Variants in GAB2 observed in about 807,000 individuals in gnomAD.
GAB2 encodes GRB2 associated binding protein 2.
Under a neutral mutation model 65.5 loss-of-function variants are expected in GAB2, and 26 were observed. That is an observed-to-expected ratio of 0.40 (90% CI 0.29 to 0.55). The LOEUF (loss-of-function observed/expected upper bound fraction) is 0.55. Ranked by LOEUF, GAB2 falls within the 20% of genes least tolerant of loss-of-function variation. GAB2 has a pLI of 0.53. For synonymous variants in GAB2, 321 were observed against 329.6 expected, an observed-to-expected ratio of 0.97 and a Z score of 0.28; for missense variants, 884 against 875.8, an observed-to-expected ratio of 1.01 and a Z score of -0.12.
At chr11:78,306,871 A>G (rs927460505) in intron 1 of GAB2, among the ~76,000 whole-genome samples, 1 of 152,192 alleles carries the variant, frequency 6.6e-6, no homozygotes, top group Admixed American at 6.5e-5. Context: ...ATCACATTCC[A>G]TCCATCTCAC....
At chr11:78,406,676 G>C (rs1175075988) in intron 1 of GAB2, among the ~76,000 whole-genome samples, 1 of 151,424 alleles carries the variant, frequency 6.6e-6, no homozygotes, top group Non-Finnish European at 1.5e-5. Context: ...AAAATGTCCA[G>C]GTTTTAATAG....
intron 1 of GAB2, among the ~76,000 whole-genome samples, chr11:78,339,447 CT>C (rs1856057199): frequency 6.6e-6 from 1 of 152,276 alleles, no homozygotes; most frequent in African/African-American, 2.4e-5. Context: ...TCTGATAACA[CT>C]TAAAAAATAA....
chr11:78,370,040 G>A (rs1303644455), intron 1 of GAB2, among the ~76,000 whole-genome samples: 1 of 151,818 alleles, frequency 6.6e-6, no homozygotes, highest in Non-Finnish European at 1.5e-5. Flanking sequence ...GGCGGATCAC[G>A]AGGTCAGGAG....
At chr11:78,328,245 T>G (rs1855858343) in intron 1 of GAB2, among the ~76,000 whole-genome samples, 1 of 152,202 alleles carries the variant, frequency 6.6e-6, no homozygotes, top group Admixed American at 6.5e-5. Context: ...AAAAACAATT[T>G]CCTGTTGCAG....
At chr11:78,272,873 C>G (rs1163073428) in intron 2 of GAB2, among the ~76,000 whole-genome samples, 1 of 152,188 alleles carries the variant, frequency 6.6e-6, no homozygotes, top group East Asian at 1.9e-4. Flanking sequence ...AGCCTGGGGA[C>G]TTGGTGCCCT....
chr11:78,301,452 C>T (rs1454401360), intron 1 of GAB2, among the ~76,000 whole-genome samples: 6 of 151,662 alleles, frequency 4.0e-5, no homozygotes, highest in Non-Finnish European at 5.9e-5. Flanking sequence ...ACTTCAGCCT[C>T]CTGAGCAGCT....
chr11:78,402,084 G>C (rs1005111994), intron 1 of GAB2, among the ~76,000 whole-genome samples: 5 of 151,694 alleles, frequency 3.3e-5, no homozygotes, highest in African/African-American at 1.2e-4. Flanking sequence ...TACCAGCCCA[G>C]GTATTCTCTC....
chr11:78,365,453 C>T (rs1856484395), intron 1 of GAB2, among the ~76,000 whole-genome samples: 1 of 152,332 alleles, frequency 6.6e-6, no homozygotes, highest in East Asian at 1.9e-4. Flanking sequence ...GCAGCGCCCT[C>T]CTCAACTAAC....
intron 3 of GAB2, among the ~76,000 whole-genome samples, chr11:78,247,412 C>A (rs972553503): frequency 6.6e-6 from 1 of 152,108 alleles, no homozygotes; most frequent in African/African-American, 2.4e-5. Context: ...ATATCCTTTA[C>A]CCACAATAGA....
At chr11:78,398,219 C>T (rs1856926933) in intron 1 of GAB2, among the ~76,000 whole-genome samples, 1 of 152,226 alleles carries the variant, frequency 6.6e-6, no homozygotes, top group African/African-American at 2.4e-5. Context: ...GACACGCTGT[C>T]TACCCGAGAA....
chr11:78,413,355 T>C (rs989325970), intron 1 of GAB2, among the ~76,000 whole-genome samples: 5 of 152,076 alleles, frequency 3.3e-5, no homozygotes, highest in African/African-American at 7.2e-5. Context: ...AAAGGAAATA[T>C]AGAGTAGCCA....
At chr11:78,382,506 A>G (rs1042702459) in intron 1 of GAB2, among the ~76,000 whole-genome samples, 3 of 151,842 alleles carry the variant, frequency 2.0e-5, no homozygotes, top group African/African-American at 7.3e-5. Flanking sequence ...ATTCTCAAAG[A>G]CCTGAGGTAT....
chr11:78,363,758 G>T (rs1445074447), intron 1 of GAB2, among the ~76,000 whole-genome samples: 1 of 151,802 alleles, frequency 6.6e-6, no homozygotes, highest in East Asian at 1.9e-4. Flanking sequence ...GCTAATTTTT[G>T]TATTTTTTGT....
At chr11:78,323,790 C>CT (rs749282969) in intron 1 of GAB2, among the ~76,000 whole-genome samples, 5,702 of 77,108 alleles carry the variant, frequency 0.074, 474 homozygotes, top group Middle Eastern at 0.097. Flanking sequence ...CTGAATCTTT[C>CT]TTTTTTTTTT....
chr11:78,265,174 C>A (rs897522053), intron 2 of GAB2, among the ~76,000 whole-genome samples: 1 of 145,638 alleles, frequency 6.9e-6, no homozygotes, highest in African/African-American at 2.5e-5. Context: ...ATTCTAAGAC[C>A]CTATGTAATA....
chr11:78,351,773 C>T (rs987751175), intron 1 of GAB2, among the ~76,000 whole-genome samples: 1 of 151,974 alleles, frequency 6.6e-6, no homozygotes, highest in African/African-American at 2.4e-5. Flanking sequence ...GTGTTTGGTC[C>T]CCAAATCCAG....
intron 1 of GAB2, among the ~76,000 whole-genome samples, chr11:78,414,547 C>A (rs1178781089): frequency 6.6e-6 from 1 of 152,122 alleles, no homozygotes; most frequent in Non-Finnish European, 1.5e-5. Context: ...TAATTATATA[C>A]ATGTACGTGT....
At chr11:78,246,319 T>C (rs1865296705) in intron 3 of GAB2, among the ~76,000 whole-genome samples, 1 of 152,196 alleles carries the variant, frequency 6.6e-6, no homozygotes, top group Non-Finnish European at 1.5e-5. Flanking sequence ...GAAATCTGTG[T>C]CTGATAATTC....
chr11:78,330,039 G>A (rs943978577), intron 1 of GAB2, among the ~76,000 whole-genome samples: 1 of 152,300 alleles, frequency 6.6e-6, no homozygotes, highest in African/African-American at 2.4e-5. Context: ...ACGTTTGATT[G>A]TTTTATGCGG....
Sources: allele counts gnomAD v4.1 joint callset (sites outside exome capture counted in the v4.1 genomes callset), GRCh38; gene constraint gnomAD v4.1.1; transcripts MANE v1.5; gene names NCBI Gene and HGNC (gene_info 2026-07-23, HGNC 2026-07-21).